HSD17B2: variants seen among roughly 807,000 people sequenced by gnomAD.
The protein encoded by HSD17B2 is hydroxysteroid 17-beta dehydrogenase 2.
A neutral mutation model predicts 26.9 loss-of-function variants in HSD17B2; 32 were observed. The observed-to-expected ratio is 1.19, with a 90% confidence interval of 0.90 to 1.60. HSD17B2 has a LOEUF of 1.60. Ranked by LOEUF, HSD17B2 falls within the 40% of genes most tolerant of loss-of-function variation. The pLI is 0.00. For missense variants in HSD17B2, 613 were observed against 468.6 expected, an observed-to-expected ratio of 1.31 and a Z score of -2.85; for synonymous variants, 246 against 186.7, an observed-to-expected ratio of 1.32 and a Z score of -2.59.
At chr16:82,054,634 C>T (rs1240956810) in intron 1 of HSD17B2, among the ~76,000 whole-genome samples, 3 of 152,176 alleles carry the variant, frequency 2.0e-5, no homozygotes, top group Admixed American at 6.5e-5. Context: ...CGTGAGCCAC[C>T]GGGCTCAGCC....
chr16:82,096,221 A>G (rs542474920), intron 4 of HSD17B2: 1 of 151,982 alleles, frequency 6.6e-6, no homozygotes. Flanking sequence ...AAAATCCTGT[A>G]TTTATTTATT....
intron 3 of HSD17B2, among the ~76,000 whole-genome samples, chr16:82,089,781 G>T (rs1904630454): frequency 6.6e-6 from 1 of 152,014 alleles, no homozygotes; most frequent in Non-Finnish European, 1.5e-5. Context: ...TCTCCCTTGT[G>T]CCTTCTCTTT....
intron 1 of HSD17B2, among the ~76,000 whole-genome samples, chr16:82,046,155 T>C (rs1913921225): frequency 6.6e-6 from 1 of 152,222 alleles, no homozygotes; most frequent in South Asian, 2.1e-4. Context: ...ACCAATTGCC[T>C]ACTATGCACG....
At chr16:82,078,489 C>T (rs1402668004) in intron 3 of HSD17B2, among the ~76,000 whole-genome samples, 1 of 152,088 alleles carries the variant, frequency 6.6e-6, no homozygotes, top group African/African-American at 2.4e-5. Context: ...ATAGAGCCAC[C>T]ATATTATCCA....
intron 4 of HSD17B2, 146 bp from the exon 5 acceptor site, chr16:82,097,929 C>A (rs901645807): frequency 2.0e-5 from 14 of 701,572 alleles, no homozygotes; most frequent in African/African-American, 7.3e-5. Context: ...CAGAGAAAGA[C>A]TCTGTATCCC....
chr16:82,091,829 T>C (rs146784246), intron 4 of HSD17B2: 1 of 152,366 alleles, frequency 6.6e-6, no homozygotes, highest in East Asian at 1.9e-4. Flanking sequence ...ATGTATGGCT[T>C]CACCCCTGCT....
At chr16:82,041,716 C>T (rs368507421) in intron 1 of HSD17B2, among the ~76,000 whole-genome samples, 46 of 152,300 alleles carry the variant, frequency 3.0e-4, no homozygotes, top group Admixed American at 9.2e-4. Context: ...TTGACTCTTC[C>T]GGGTTCTTCC....
intron 3 of HSD17B2, among the ~76,000 whole-genome samples, chr16:82,086,719 G>T (rs760651386): frequency 8.5e-5 from 13 of 152,220 alleles, no homozygotes; most frequent in Non-Finnish European, 1.8e-4. Flanking sequence ...GGCAGGTCTT[G>T]TTGTTGACTA....
At chr16:82,063,911 A>G (rs949783194) in intron 1 of HSD17B2, among the ~76,000 whole-genome samples, 1 of 152,184 alleles carries the variant, frequency 6.6e-6, no homozygotes, top group African/African-American at 2.4e-5. Flanking sequence ...AACCACAAAA[A>G]CAAAGAAAGG....
intron 3 of HSD17B2, among the ~76,000 whole-genome samples, chr16:82,080,954 T>C (rs907193939): frequency 1.3e-5 from 2 of 152,128 alleles, no homozygotes; most frequent in Non-Finnish European, 1.5e-5. Flanking sequence ...GTTTTTTTTG[T>C]TTTTCCTCCT....
chr16:82,098,270 G>A lies in HSD17B2; in HGVS notation c.998G>A (p.Ser333Asn), dbSNP rs752249925. The change falls in exon 5 of 5, where the codon AGC becomes AAC. Residue 333 changes from serine to asparagine, a missense_variant. Physicochemically the swap from Ser to Asn is conservative, Grantham distance 46. Transcript: ENST00000199936. ...RDIQHAILAK[S>N]PFAYYTPGKG... ...ATCCAGCATGCTATCTTGGCGAAGA[G>A]CCCTTTTGCCTATTACACGCCAGGG... 1.9e-6 allele frequency: 3 copies of A among 1,614,204 alleles called. No individual in the cohort carries two copies. The highest frequency in any genetic ancestry group is 2.5e-6 in the Non-Finnish European group (3 of 1,180,024).
intron 4 of HSD17B2, chr16:82,097,266 C>G (rs12934750): frequency 0.022 from 1,795 of 80,306 alleles, 24 homozygotes; most frequent in Middle Eastern, 0.043. Flanking sequence ...ATGTCTATGT[C>G]TATGTGTGTG....
chr16:82,077,058 G>C (rs943121989), intron 3 of HSD17B2, among the ~76,000 whole-genome samples: 1 of 152,132 alleles, frequency 6.6e-6, no homozygotes, highest in Non-Finnish European at 1.5e-5. Context: ...CCATAGGTTG[G>C]AAAAATCAAT....
intron 1 of HSD17B2, among the ~76,000 whole-genome samples, chr16:82,048,803 A>C (rs1914017740): frequency 6.6e-6 from 1 of 152,218 alleles, no homozygotes; most frequent in African/African-American, 2.4e-5. Context: ...TGTTGGTTAT[A>C]GGGTAGTTGT....
chr16:82,086,625 C>T (rs968653931), intron 3 of HSD17B2, among the ~76,000 whole-genome samples: 1 of 152,088 alleles, frequency 6.6e-6, no homozygotes, highest in African/African-American at 2.4e-5. Context: ...ATTTTTCGTG[C>T]CTATGCTAAG....
intron 1 of HSD17B2, among the ~76,000 whole-genome samples, chr16:82,039,731 G>T (rs950327208): frequency 6.6e-6 from 1 of 152,100 alleles, no homozygotes; most frequent in African/African-American, 2.4e-5. Flanking sequence ...TCTATCCTCT[G>T]GCCTTTCATC....
chr16:82,087,147 A>C (rs1221855806), intron 3 of HSD17B2, among the ~76,000 whole-genome samples: 1 of 152,202 alleles, frequency 6.6e-6, no homozygotes, highest in Non-Finnish European at 1.5e-5. Flanking sequence ...CTCTTAAGTT[A>C]CCTAATGTTA....
At chr16:82,041,414 C>A (rs1204483041) in intron 1 of HSD17B2, among the ~76,000 whole-genome samples, 4 of 152,220 alleles carry the variant, frequency 2.6e-5, no homozygotes, top group African/African-American at 9.6e-5. Context: ...GGCAGAGTGA[C>A]ATGGCTGAGC....
intron 3 of HSD17B2, chr16:82,090,301 TG>T (rs1222267876): frequency 4.7e-5 from 7 of 148,684 alleles, no homozygotes; most frequent in African/African-American, 1.4e-4. Context: ...TAAACTACAT[TG>T]TTTTTTTTTT....
Sources: allele counts gnomAD v4.1 joint callset (sites outside exome capture counted in the v4.1 genomes callset), GRCh38; gene constraint gnomAD v4.1.1; transcripts MANE v1.5; gene names NCBI Gene and HGNC (gene_info 2026-07-23, HGNC 2026-07-21).